The following TRIM33 variants were observed in gnomAD, a reference collection of about 807,000 sequenced individuals.
The protein encoded by TRIM33 is tripartite motif containing 33.
TRIM33 carries 20 observed loss-of-function variants against 125.4 expected under a neutral mutation model. The ratio of observed to expected loss-of-function variants is 0.16; its 90% confidence interval spans 0.11 to 0.23. The LOEUF is 0.23. Ranked by LOEUF, TRIM33 falls within the 10% of genes least tolerant of loss-of-function variation. The pLI, the probability that TRIM33 is intolerant of heterozygous loss-of-function variation, is 1.00. For synonymous variants in TRIM33, 564 were observed against 513.9 expected, an observed-to-expected ratio of 1.10 and a Z score of -1.32; for missense variants, 920 against 1,411.4, an observed-to-expected ratio of 0.65 and a Z score of 5.58.
At chr1:114,421,887 A>G (rs1647225913) in intron 10 of TRIM33, among the ~76,000 whole-genome samples, 1 of 152,206 alleles carries the variant, frequency 6.6e-6, no homozygotes, top group Admixed American at 6.5e-5. Context: ...ATCTTATTTC[A>G]GAAGAAGGAA....
intron 4 of TRIM33, among the ~76,000 whole-genome samples, chr1:114,440,157 G>A (rs1648565326): frequency 6.6e-6 from 1 of 152,088 alleles, no homozygotes; most frequent in Admixed American, 6.5e-5. Context: ...TGTGGAAGAG[G>A]AGGGGGGAGA....
At position 114,433,602 on chromosome 1, in the gene TRIM33, A is replaced by G. The variant is rs12132214; in HGVS notation, c.1040+15T>C. 1.3e-6 allele frequency: 2 copies of G among 1,490,616 alleles called. No homozygotes were observed. The allele number at this position is 1,490,616 out of a possible 1,614,324, so 92.3% of individuals were successfully genotyped here. ...AGTAATTCTTAAAATTATGGTTTTA[A>G]GGCAACAAACTTACCTATTCTGCAC... On this transcript the variant is annotated intron_variant, in intron 5 of 19. Transcript: ENST00000358465.
At position 114,410,168 on chromosome 1, in the gene TRIM33, T is replaced by C. The variant is rs747537869; in HGVS notation, c.2194+16A>G. ...TTTAAGGTGTTAAAAAATAAGGTAA[T>C]ACCCGTTTGCTTTACCTGATGATCC... is the stretch of plus-strand genomic sequence containing the variant. On this transcript the variant is annotated intron_variant, in intron 12 of 19. Transcript: ENST00000358465. The C allele has an allele frequency of 5.6e-6, 9 of 1,613,742 alleles. No homozygotes were observed. Among genetic ancestry groups the C allele is most frequent in the Non-Finnish European group, 7.6e-6 (9 of 1,179,784 alleles).
chr1:114,493,446 CT>C (rs760922862), intron 1 of TRIM33, among the ~76,000 whole-genome samples: 1 of 152,096 alleles, frequency 6.6e-6, no homozygotes, highest in Non-Finnish European at 1.5e-5. Context: ...TAGGTTGTTA[CT>C]TGTCTTTGTT....
intron 4 of TRIM33, among the ~76,000 whole-genome samples, chr1:114,436,074 T>C (rs1471920562): frequency 1.3e-5 from 2 of 151,536 alleles, no homozygotes; most frequent in African/African-American, 4.8e-5. Flanking sequence ...CTCAACTGTC[T>C]ACAATGTTGA....
At chr1:114,429,639 A>C (rs1347985511) in intron 6 of TRIM33, among the ~76,000 whole-genome samples, 1 of 152,146 alleles carries the variant, frequency 6.6e-6, no homozygotes, top group Non-Finnish European at 1.5e-5. Flanking sequence ...AGAAAAAAAA[A>C]AAAACTATTG....
chr1:114,496,935 T>A (rs1652402953), intron 1 of TRIM33, among the ~76,000 whole-genome samples: 1 of 152,244 alleles, frequency 6.6e-6, no homozygotes, highest in Non-Finnish European at 1.5e-5. Context: ...AACACTGTAC[T>A]CTTTCAGCAC....
chr1:114,466,422 T>A (rs1426598095), intron 1 of TRIM33, among the ~76,000 whole-genome samples: 1 of 152,194 alleles, frequency 6.6e-6, no homozygotes, highest in Non-Finnish European at 1.5e-5. Flanking sequence ...AAGAAAGGCC[T>A]ATCTTCAGGA....
intron 4 of TRIM33, among the ~76,000 whole-genome samples, chr1:114,457,323 T>C (rs1033510164): frequency 2.6e-5 from 4 of 152,178 alleles, no homozygotes; most frequent in African/African-American, 9.7e-5. Flanking sequence ...CAAAACCCTA[T>C]GAGTGCCACC....
intron 1 of TRIM33, among the ~76,000 whole-genome samples, chr1:114,484,555 C>G (rs1470898832): frequency 1.3e-5 from 2 of 151,602 alleles, no homozygotes; most frequent in Non-Finnish European, 2.9e-5. Flanking sequence ...GGTGAAACCC[C>G]ATCTCTATTA....
chr1:114,491,184 G>T (rs563507976), intron 1 of TRIM33, among the ~76,000 whole-genome samples: 1 of 152,296 alleles, frequency 6.6e-6, no homozygotes, highest in Non-Finnish European at 1.5e-5. Flanking sequence ...AAGTTTTAAT[G>T]AGTGGCTATA....
At chr1:114,501,836 G>A (rs1336636447) in intron 1 of TRIM33, among the ~76,000 whole-genome samples, 1 of 151,774 alleles carries the variant, frequency 6.6e-6, no homozygotes, top group African/African-American at 2.4e-5. Flanking sequence ...GCATTCAAAT[G>A]TACTCATTAG....
intron 1 of TRIM33, among the ~76,000 whole-genome samples, chr1:114,469,591 T>C (rs548043060): frequency 7.9e-5 from 12 of 152,194 alleles, no homozygotes; most frequent in East Asian, 1.9e-4. Flanking sequence ...ATTTAAAAAA[T>C]AGAGACCTAG....
intron 1 of TRIM33, among the ~76,000 whole-genome samples, chr1:114,480,341 C>A (rs1014236273): frequency 6.6e-6 from 1 of 152,012 alleles, no homozygotes; most frequent in Non-Finnish European, 1.5e-5. Context: ...ACAAACACTT[C>A]GGAAGGCCGC....
Position 114,397,593 on chromosome 1 carries a change from T to TC in TRIM33, c.*54_*55insG. ...AAAGTTTTCTGGGTTTTTTGTGTTT[T>TC]TTTTTTTTTTTTCGTTTTTTTTTTT... On this transcript the variant is annotated 3_prime_UTR_variant, in exon 20 of 20. Coordinates refer to ENST00000358465, the MANE Select transcript of TRIM33 (RefSeq NM_015906.4). 1.9e-6 allele frequency: 2 copies of TC among 1,039,202 alleles called. No individual in the cohort carries two copies. The highest frequency in any genetic ancestry group is 2.9e-5 in the South Asian group (2 of 69,480). 64.4% of individuals were successfully genotyped at this position (1,039,202 alleles called of 1,614,324 possible). A position where few individuals can be genotyped will look rare whatever the true frequency, so the allele number is the denominator to read the frequency against.
chr1:114,453,882 T>C (rs149029332), intron 4 of TRIM33, among the ~76,000 whole-genome samples: 1 of 152,362 alleles, frequency 6.6e-6, no homozygotes, highest in East Asian at 1.9e-4. Flanking sequence ...GAGGTGTTTA[T>C]GATGTCCATG....
chr1:114,463,647 A>G lies in TRIM33; in HGVS notation c.646-91T>C, dbSNP rs1321716611. ...AACTTGTTCTTCAATATACTATTTC[A>G]CTGTACACAGAATAAAATTATTTTG... On this transcript the variant is annotated intron_variant, in intron 2 of 19. Transcript: ENST00000358465. 12 of 764,982 alleles carry G rather than the reference A, an allele frequency of 1.6e-5. No homozygotes were observed. The East Asian group carries it at 3.0e-4, about 19-fold the overall frequency. The allele number at this position is 764,982 out of a possible 1,614,324, so 47.4% of individuals were successfully genotyped here. A position where few individuals can be genotyped will look rare whatever the true frequency, so the allele number is the denominator to read the frequency against.
At chr1:114,440,753 G>T (rs1190342242) in intron 4 of TRIM33, among the ~76,000 whole-genome samples, 1 of 151,990 alleles carries the variant, frequency 6.6e-6, no homozygotes, top group Non-Finnish European at 1.5e-5. Flanking sequence ...CATTTTCAAT[G>T]TAAAAAAAGG....
At chr1:114,501,546 A>C (rs1390824907) in intron 1 of TRIM33, among the ~76,000 whole-genome samples, 3 of 152,206 alleles carry the variant, frequency 2.0e-5, no homozygotes, top group Admixed American at 6.5e-5. Flanking sequence ...TAATTCTATT[A>C]TATTCTCTTG....
Sources: allele counts gnomAD v4.1 joint callset (sites outside exome capture counted in the v4.1 genomes callset), GRCh38; gene constraint gnomAD v4.1.1; transcripts MANE v1.5; gene names NCBI Gene and HGNC (gene_info 2026-07-23, HGNC 2026-07-21).